CLSTN2: variants seen among roughly 807,000 people sequenced by gnomAD.
The protein encoded by CLSTN2 is calsyntenin 2.
CLSTN2 carries 48 observed loss-of-function variants against 101.2 expected under a neutral mutation model. The ratio of observed to expected loss-of-function variants is 0.47; its 90% confidence interval spans 0.38 to 0.60. The LOEUF is 0.60. CLSTN2 is among the 20% of genes least tolerant of loss of function. The pLI, the probability that CLSTN2 is intolerant of heterozygous loss-of-function variation, is 0.00. For missense variants in CLSTN2, 1,160 were observed against 1,238.2 expected (o/e 0.94, Z 0.95); for synonymous variants, 481 against 463.6 (o/e 1.04, Z -0.48).
intron 9 of CLSTN2, among the ~76,000 whole-genome samples, chr3:140,533,256 C>T (rs993162546): frequency 6.6e-6 from 1 of 152,162 alleles, no homozygotes; most frequent in Non-Finnish European, 1.5e-5. Context: ...TTTGAAGTAC[C>T]AGTAAGAGAG....
chr3:139,966,448 T>A (rs1019813680), intron 1 of CLSTN2, among the ~76,000 whole-genome samples: 44 of 152,230 alleles, frequency 2.9e-4, no homozygotes, highest in African/African-American at 1.0e-3. Flanking sequence ...CTCCTGCTCT[T>A]GCTGATGCGG....
chr3:140,298,818 A>G (rs2087027261), intron 2 of CLSTN2, among the ~76,000 whole-genome samples: 2 of 152,204 alleles, frequency 1.3e-5, no homozygotes, highest in Non-Finnish European at 2.9e-5. Context: ...AATAAACTAC[A>G]AAATTGGAGT....
chr3:140,226,489 A>T (rs1032323703), intron 2 of CLSTN2, among the ~76,000 whole-genome samples: 11 of 152,258 alleles, frequency 7.2e-5, no homozygotes, highest in African/African-American at 2.7e-4. Flanking sequence ...GTGGATCGAC[A>T]GCTAGATAGA....
chr3:140,393,022 A>T (rs1278469387), intron 2 of CLSTN2, among the ~76,000 whole-genome samples: 1 of 152,066 alleles, frequency 6.6e-6, no homozygotes, highest in Non-Finnish European at 1.5e-5. Flanking sequence ...TAAATCCCCC[A>T]GTCCCACGCC....
At chr3:140,145,275 T>G (rs1434965617) in intron 1 of CLSTN2, among the ~76,000 whole-genome samples, 1 of 152,188 alleles carries the variant, frequency 6.6e-6, no homozygotes, top group East Asian at 1.9e-4. Context: ...CTCTGGCCCA[T>G]AGGAGTGAAG....
At chr3:140,304,078 T>A (rs2107911626) in intron 2 of CLSTN2, among the ~76,000 whole-genome samples, 1 of 152,294 alleles carries the variant, frequency 6.6e-6, no homozygotes, top group Non-Finnish European at 1.5e-5. Flanking sequence ...CAGAAAAAGC[T>A]ATGTGTGAGC....
chr3:140,109,388 G>A (rs988396030), intron 1 of CLSTN2, among the ~76,000 whole-genome samples: 7 of 152,088 alleles, frequency 4.6e-5, no homozygotes, highest in African/African-American at 1.4e-4. Flanking sequence ...TGACTCAACC[G>A]AACCATGCCC....
chr3:140,422,244 C>T (rs2088515230), intron 5 of CLSTN2, among the ~76,000 whole-genome samples: 1 of 151,238 alleles, frequency 6.6e-6, no homozygotes, highest in Non-Finnish European at 1.5e-5. Flanking sequence ...CTTAAATTCC[C>T]CAGAAAGAGT....
chr3:140,517,023 A>G (rs1934931676), intron 8 of CLSTN2, among the ~76,000 whole-genome samples: 1 of 152,064 alleles, frequency 6.6e-6, no homozygotes, highest in African/African-American at 2.4e-5. Context: ...TCATTTTTTA[A>G]AAAATTCTTT....
intron 5 of CLSTN2, among the ~76,000 whole-genome samples, chr3:140,433,752 T>C (rs1370186376): frequency 6.6e-6 from 1 of 152,226 alleles, no homozygotes; most frequent in Non-Finnish European, 1.5e-5. Flanking sequence ...AAGGTAGGAA[T>C]GCCTAAATTA....
intron 2 of CLSTN2, among the ~76,000 whole-genome samples, chr3:140,289,326 G>A (rs1156955098): frequency 1.4e-5 from 2 of 145,470 alleles, no homozygotes; most frequent in African/African-American, 5.5e-5. Flanking sequence ...TCATGGTTTT[G>A]TGTTTTTTTT....
At chr3:140,468,745 C>T (rs1033718338) in intron 8 of CLSTN2, among the ~76,000 whole-genome samples, 1 of 152,040 alleles carries the variant, frequency 6.6e-6, no homozygotes, top group African/African-American at 2.4e-5. Flanking sequence ...CCAGCTAATT[C>T]GAAATTTTAA....
At chr3:140,371,394 C>A (rs780933263) in intron 2 of CLSTN2, among the ~76,000 whole-genome samples, 1 of 152,192 alleles carries the variant, frequency 6.6e-6, no homozygotes, top group Non-Finnish European at 1.5e-5. Flanking sequence ...GGGTGGGAAA[C>A]AAGGAGCTGT....
chr3:140,405,511 G>C (rs1344174836), intron 4 of CLSTN2, among the ~76,000 whole-genome samples: 2 of 152,172 alleles, frequency 1.3e-5, no homozygotes, highest in East Asian at 1.9e-4. Flanking sequence ...ACAGGCGTGA[G>C]CCACTGTGCC....
At chr3:140,080,692 G>A (rs1442441077) in intron 1 of CLSTN2, among the ~76,000 whole-genome samples, 1 of 152,112 alleles carries the variant, frequency 6.6e-6, no homozygotes, top group Non-Finnish European at 1.5e-5. Context: ...CAAGCTATTT[G>A]GCTGTATCTG....
At chr3:139,990,890 A>G (rs1466422098) in intron 1 of CLSTN2, among the ~76,000 whole-genome samples, 1 of 152,232 alleles carries the variant, frequency 6.6e-6, no homozygotes, top group Non-Finnish European at 1.5e-5. Context: ...CCATTTTTAT[A>G]TTAATTGTTA....
chr3:140,199,240 A>G (rs527339226), intron 2 of CLSTN2, among the ~76,000 whole-genome samples: 2 of 152,276 alleles, frequency 1.3e-5, no homozygotes, highest in Admixed American at 1.3e-4. Flanking sequence ...GGTGGCTGGG[A>G]GCAGCTAGGG....
chr3:140,477,160 C>G (rs911971842), intron 8 of CLSTN2, among the ~76,000 whole-genome samples: 2 of 152,210 alleles, frequency 1.3e-5, no homozygotes, highest in Non-Finnish European at 2.9e-5. Context: ...CTCCCAATCT[C>G]CTATGAGTCA....
chr3:140,403,785 G>A lies in CLSTN2; in HGVS notation c.389G>A (p.Gly130Asp). The A allele has an allele frequency of 6.2e-7, 1 of 1,613,828 alleles. No individual in the cohort carries two copies. Among genetic ancestry groups the A allele is most frequent in the Non-Finnish European group, 8.5e-7 (1 of 1,179,848 alleles). The change falls in exon 3 of 17, where the codon GGT (glycine) becomes GAT (aspartate). Residue 130 changes from glycine (G) to aspartate (D), a missense_variant. Gly to Asp is a moderately conservative substitution (Grantham distance 94, BLOSUM62 -1). Transcript: ENST00000458420. ...YTFIIQAYDC[G>D]AGPHETAWKK... is the part of the protein sequence containing the mutation. ...TTCATCATCCAGGCCTATGACTGTG[G>A]TGCTGGGCCCCACGAGACAGCCTGG...
Sources: allele counts gnomAD v4.1 joint callset (sites outside exome capture counted in the v4.1 genomes callset), GRCh38; gene constraint gnomAD v4.1.1; transcripts MANE v1.5; gene names NCBI Gene and HGNC (gene_info 2026-07-23, HGNC 2026-07-21).